ARVCF: variants seen among roughly 807,000 people sequenced by gnomAD.
The protein encoded by ARVCF is splicing regulator ARVCF.
In ARVCF, 66 loss-of-function variants were observed where a neutral mutation model predicts 90.9. The observed-to-expected ratio is 0.73, with a 90% CI of 0.60 to 0.89. The LOEUF is 0.89. Among genes scored for constraint, ARVCF ranks in the 40% least tolerant of loss-of-function variants. The pLI is 0.00. For missense variants in ARVCF, 1,469 were observed against 1,382.3 expected (o/e 1.06, Z -1.00); for synonymous variants, 653 against 603.4 (o/e 1.08, Z -1.21).
intron 2 of ARVCF, among the ~76,000 whole-genome samples, chr22:20,004,139 T>C (rs1199084470): frequency 6.6e-6 from 1 of 152,142 alleles, no homozygotes; most frequent in East Asian, 1.9e-4. Flanking sequence ...TTAAAAAGAA[T>C]AGAATACATA....
At chr22:20,012,079 T>TCCCCCCC (rs11405277) in intron 1 of ARVCF, among the ~76,000 whole-genome samples, 6 of 117,154 alleles carry the variant, frequency 5.1e-5, no homozygotes, top group South Asian at 3.0e-4. Context: ...CCTCCCAAAG[T>TCCCCCCC]CCCCCCCCCC....
intron 2 of ARVCF, among the ~76,000 whole-genome samples, chr22:20,000,199 TG>T (rs1443228553): frequency 1.3e-5 from 2 of 152,208 alleles, no homozygotes; most frequent in Non-Finnish European, 2.9e-5. Context: ...ATGTCCCCTT[TG>T]GTCTGCCCTT....
chr22:19,980,289 G>T, intron 5 of ARVCF, 47 bp from the exon 6 acceptor site: 1 of 1,488,612 alleles, frequency 6.7e-7, no homozygotes, highest in South Asian at 1.4e-5. Context: ...GCAGCCGCCA[G>T]CCCTGCCTCT....
chr22:20,008,429 T>C (rs572056127), intron 2 of ARVCF, among the ~76,000 whole-genome samples: 40 of 152,302 alleles, frequency 2.6e-4, no homozygotes, highest in African/African-American at 9.6e-4. Flanking sequence ...AAGGGAGCCA[T>C]GCTACTCATC....
chr22:20,016,120 G>C (rs1278287072), intron 1 of ARVCF, among the ~76,000 whole-genome samples: 3 of 152,138 alleles, frequency 2.0e-5, no homozygotes, highest in Non-Finnish European at 4.4e-5. Flanking sequence ...GACACCTCCG[G>C]GCCGTCGGTG....
At chr22:20,001,608 T>C (rs1165627789) in intron 2 of ARVCF, among the ~76,000 whole-genome samples, 1 of 152,074 alleles carries the variant, frequency 6.6e-6, no homozygotes, top group Non-Finnish European at 1.5e-5. Context: ...GTTCGAGACC[T>C]GCCTGACCAA....
At chr22:19,974,040 G>C (rs73387719) in intron 12 of ARVCF, 72 bp downstream of exon 12, 2 of 1,548,904 alleles carry the variant, frequency 1.3e-6, no homozygotes, top group South Asian at 1.2e-5. Context: ...GCCGAGGCAG[G>C]AGCTGCACCA....
chr22:19,968,035 G>A (rs567278485), downstream of ARVCF, among the ~76,000 whole-genome samples: 2 of 152,302 alleles, frequency 1.3e-5, no homozygotes, highest in South Asian at 2.1e-4. Flanking sequence ...GCTTGGGGAT[G>A]TCCAGAACTG....
intron 2 of ARVCF, among the ~76,000 whole-genome samples, chr22:19,999,974 AG>A (rs1347618541): frequency 2.0e-5 from 3 of 152,230 alleles, no homozygotes; most frequent in African/African-American, 7.2e-5. Context: ...TGGAAGGGGC[AG>A]AACGAGGACC....
At position 19,972,614 on chromosome 22, in the gene ARVCF, A is replaced by C. The variant is rs761419496; in HGVS notation, c.2641+123T>G. 3.0e-5 allele frequency: 36 copies of C among 1,206,818 alleles called. No homozygotes were observed. In the South Asian group the frequency reaches 5.0e-4, roughly 17 times the overall value. 74.8% of individuals were successfully genotyped at this position (1,206,818 alleles called of 1,614,324 possible). On this transcript the variant is annotated intron_variant, in intron 16 of 19. Transcript: ENST00000263207. ...AGTAGCCAAGAGGCAGAGGGCAGGGAAAGTGGCCTATGGAAGCCGTCTCAG... is the reference window on the plus strand; with the variant it reads ...AGTAGCCAAGAGGCAGAGGGCAGGGCAAGTGGCCTATGGAAGCCGTCTCAG...
intron 11 of ARVCF, among the ~76,000 whole-genome samples, chr22:19,975,024 G>GCCCCATGCTC (rs1371709134): frequency 1.3e-5 from 2 of 152,148 alleles, no homozygotes; most frequent in African/African-American, 4.8e-5. Context: ...CAGTCCTCAT[G>GCCCCATGCTC]CCCCATGCTC....
Position 19,971,917 on chromosome 22 carries a change from G to A in ARVCF, c.2750C>T (p.Ala917Val), listed in dbSNP as rs374701376. 6.2e-7 allele frequency: 1 copy of A among 1,613,182 alleles called. No homozygotes were observed. The highest frequency in any genetic ancestry group is 8.5e-7 in the Non-Finnish European group (1 of 1,179,836). Residue 917 changes from alanine (A) to valine (V), a missense_variant, in exon 18 of 20, where the codon GCA (alanine) becomes GTA (valine). Ala to Val is a moderately conservative substitution (Grantham distance 64, BLOSUM62 0). Transcript: ENST00000263207. ...RERRPRGASS[A>V]GEASEKEPLK... ...GGGTTCCTTCTCAGAGGCCTCTCCT[G>A]CAGAGCTGGCGCCCCGTGGCCTCCG...
intron 1 of ARVCF, among the ~76,000 whole-genome samples, chr22:20,013,958 T>TC (rs1944930454): frequency 6.6e-6 from 1 of 150,746 alleles, no homozygotes; most frequent in Non-Finnish European, 1.5e-5. Context: ...CTGCAACCTC[T>TC]GCCTCCCAGG....
intron 17 of ARVCF, 24 bp from the exon 18 acceptor site, chr22:19,971,995 A>T: frequency 6.3e-7 from 1 of 1,587,392 alleles, no homozygotes; most frequent in Non-Finnish European, 8.6e-7. Flanking sequence ...AAGGTGGGGC[A>T]TGAGGGGCGC....
At chr22:19,975,465 A>G (rs948824136) in intron 11 of ARVCF, among the ~76,000 whole-genome samples, 2 of 151,910 alleles carry the variant, frequency 1.3e-5, no homozygotes, top group African/African-American at 2.4e-5. Context: ...GTCTCCCCCA[A>G]CCTTGCCTGA....
At position 19,981,113 on chromosome 22, in the gene ARVCF, C is replaced by A. The variant is rs957418273; in HGVS notation, c.896+98G>T. On this transcript the variant is annotated intron_variant, in intron 5 of 19. Coordinates refer to ENST00000263207, the MANE Select transcript of ARVCF (RefSeq NM_001670.3). Reference sequence around the variant, plus strand: ...AATTCAAACTAACATGCATGACTAACTCAACTGCGCCACTTGACAAGTGGG... The same window carrying A: ...AATTCAAACTAACATGCATGACTAAATCAACTGCGCCACTTGACAAGTGGG... 4 of 1,399,196 alleles carry A rather than the reference C, an allele frequency of 2.9e-6. No homozygotes were observed. The Admixed American group carries it at 1.1e-4, about 40-fold the overall frequency. The allele number at this position is 1,399,196 out of a possible 1,614,324, so 86.7% of individuals were successfully genotyped here. A position where few individuals can be genotyped will look rare whatever the true frequency, so the allele number is the denominator to read the frequency against.
In ARVCF at chr22:19,981,589, C is replaced by T; in HGVS notation, c.518G>A (p.Gly173Asp). ...LDRHFLLRGGGPVATLSRAYL... is the reference protein window; with the variant it reads ...LDRHFLLRGGDPVATLSRAYL... ...GGCTCGAGAGAGTGTGGCCACTGGG[C>T]CACCACCACGCAGCAGGAAATGCCG... The change falls in exon 5 of 20, where the codon GGC (glycine) becomes GAC (aspartate). Residue 173 changes from glycine (G) to aspartate (D), a missense_variant. Coordinates refer to ENST00000263207, the MANE Select transcript of ARVCF (RefSeq NM_001670.3). 1 of 1,606,534 alleles carries T rather than the reference C, an allele frequency of 6.2e-7. No individual in the cohort carries two copies.
Position 19,975,736 on chromosome 22 carries a change from T to G in ARVCF, c.1910A>C (p.Asp637Ala), listed in dbSNP as rs1943115758. 1 of 1,613,616 alleles carries G rather than the reference T, an allele frequency of 6.2e-7. No homozygotes were observed. Among genetic ancestry groups the G allele is most frequent in the Non-Finnish European group, 8.5e-7 (1 of 1,179,968 alleles). Residue 637 changes from aspartate to alanine, a missense_variant, in exon 11 of 20, where the codon GAC (aspartate) becomes GCC (alanine). Physicochemically the swap from Asp to Ala is moderately radical, Grantham distance 126. Transcript: ENST00000263207. ...CAGGTCTAGCGTGTCAAAGTTCCGG[T>G]CCATCTCACCATCCTTCTTTCCTGG... Reference protein sequence around the residue: ...FHQGKKDGEMDRNFDTLDLPK... With the variant: ...FHQGKKDGEMARNFDTLDLPK...
chr22:19,980,319 T>G, intron 5 of ARVCF, 77 bp from the exon 6 acceptor site: 1 of 1,459,538 alleles, frequency 6.9e-7, no homozygotes, highest in Non-Finnish European at 9.0e-7. Context: ...CATCACACCT[T>G]CTTCAGGACT....
Sources: allele counts gnomAD v4.1 joint callset (sites outside exome capture counted in the v4.1 genomes callset), GRCh38; gene constraint gnomAD v4.1.1; transcripts MANE v1.5; gene names NCBI Gene and HGNC (gene_info 2026-07-23, HGNC 2026-07-21).